The following PFKFB4 variants were observed in gnomAD, a reference collection of about 807,000 sequenced individuals.
PFKFB4 encodes 6-phosphofructo-2-kinase/fructose-2,6-biphosphatase 4.
In PFKFB4, 42 loss-of-function variants were observed where a neutral mutation model predicts 62.8. The observed-to-expected ratio is 0.67, with a 90% CI of 0.52 to 0.86. The LOEUF is 0.86. PFKFB4 is among the 40% of genes least tolerant of loss of function. The probability of loss-of-function intolerance (pLI) is 0.00; values close to 1 mark genes in which losing one functional copy is unlikely to be tolerated. For missense variants in PFKFB4, 475 were observed against 627.2 expected (o/e 0.76, Z 2.59); for synonymous variants, 204 against 240.7 (o/e 0.85, Z 1.41).
upstream of PFKFB4, chr3:48,562,580 C>T (rs2043449048): frequency 3.4e-6 from 2 of 594,632 alleles, no homozygotes; most frequent in Admixed American, 3.4e-5. This position sits in a 1 kb window ranked among gnomAD's most constrained non-coding sequence, Gnocchi z 4.3. Flanking sequence ...GCTGTCCAGA[C>T]ACACTGTGAC....
At chr3:48,546,957 C>T (rs1053051318) in intron 3 of PFKFB4, among the ~76,000 whole-genome samples, 1 of 152,282 alleles carries the variant, frequency 6.6e-6, no homozygotes, top group African/African-American at 2.4e-5. Context: ...TCTTGATGCT[C>T]GCTCCTGGTT....
intron 3 of PFKFB4, among the ~76,000 whole-genome samples, chr3:48,545,507 G>A (rs991298329): frequency 1.3e-5 from 2 of 152,162 alleles, no homozygotes; most frequent in Admixed American, 6.6e-5. Flanking sequence ...TCATCAGGAC[G>A]ATATGCCTGA....
intron 1 of PFKFB4, among the ~76,000 whole-genome samples, chr3:48,554,597 T>A (rs1260605110): frequency 6.6e-6 from 1 of 152,194 alleles, no homozygotes; most frequent in African/African-American, 2.4e-5. Context: ...TCAGGAGCTA[T>A]GAGACCTTCC....
chr3:48,523,789 CATG>C lies in PFKFB4; in HGVS notation c.1131_1133del (p.Ile377del). On this transcript the variant is annotated inframe_deletion, in exon 11 of 14. Coordinates refer to ENST00000232375, the MANE Select transcript of PFKFB4 (RefSeq NM_004567.4). ...GCACATTCTCTTGCCTCTCCAGCTC[CATG>C]ATGACAGGCTCCAGTCTCTGGACCA... The C allele has an allele frequency of 1.2e-6, 2 of 1,614,202 alleles. No individual in the cohort carries two copies. The highest frequency in any genetic ancestry group is 1.7e-6 in the Non-Finnish European group (2 of 1,180,016).
upstream of PFKFB4, chr3:48,556,840 A>C: frequency 2.7e-6 from 4 of 1,493,060 alleles, no homozygotes; most frequent in Non-Finnish European, 2.7e-6. This position sits in a 1 kb window ranked among gnomAD's most constrained non-coding sequence, Gnocchi z 5.7. Context: ...ACCTCGGGCC[A>C]CCCGAGGTCC....
chr3:48,560,564 T>C (rs1218995429), upstream of PFKFB4, among the ~76,000 whole-genome samples: 1 of 152,130 alleles, frequency 6.6e-6, no homozygotes, highest in Admixed American at 6.5e-5. Flanking sequence ...ACAGAAAGGG[T>C]TCAGAGAGGT....
At chr3:48,557,956 T>G (rs1247696445), upstream of PFKFB4, among the ~76,000 whole-genome samples, 1 of 152,228 alleles carries the variant, frequency 6.6e-6, no homozygotes, top group Non-Finnish European at 1.5e-5. Context: ...TTTTGGTTTT[T>G]TTAACTAAAG....
intron 3 of PFKFB4, among the ~76,000 whole-genome samples, chr3:48,547,132 A>T (rs2042988660): frequency 6.6e-6 from 1 of 152,156 alleles, no homozygotes; most frequent in African/African-American, 2.4e-5. Flanking sequence ...ACCATGTATG[A>T]GCGTGCTCAG....
At chr3:48,531,068 A>AT (rs1158946122) in intron 9 of PFKFB4, among the ~76,000 whole-genome samples, 2 of 152,126 alleles carry the variant, frequency 1.3e-5, no homozygotes, top group African/African-American at 4.8e-5. Flanking sequence ...AAAAAATATA[A>AT]TAAAAAAATA....
At chr3:48,535,758 C>T (rs2042581654) in intron 8 of PFKFB4, 100 bp from the exon 9 acceptor site, 1 of 1,378,808 alleles carries the variant, frequency 7.3e-7, no homozygotes, top group Admixed American at 1.9e-5. Context: ...GCCTTGAACA[C>T]TCACTACAGG....
At chr3:48,559,898 CCACACACACACACA>C (rs34826551), upstream of PFKFB4, 3,533 of 191,712 alleles carry the variant, frequency 0.018, 44 homozygotes, top group Middle Eastern at 0.03. Context: ...AACCATCCCA[CCACACACACACACA>C]CACACACACA....
intron 7 of PFKFB4, 114 bp downstream of exon 7, chr3:48,538,384 C>G: frequency 7.6e-7 from 1 of 1,314,138 alleles, no homozygotes; most frequent in Non-Finnish European, 1.1e-6. Context: ...AAGGTCAGAC[C>G]ATCTCTGCTT....
Position 48,521,097 on chromosome 3 carries a change from C to T in PFKFB4, c.1350+889G>A, listed in dbSNP as rs2042082797. On this transcript the variant is annotated intron_variant, in intron 13 of 13. Coordinates refer to ENST00000232375, the MANE Select transcript of PFKFB4 (RefSeq NM_004567.4). The surrounding 1 kb of genome is among the most constrained non-coding windows in gnomAD (Gnocchi z 5.3). Reference sequence around the variant, plus strand: ...TGGGGGCAGTGGTGTTGGGAAGGGACAGGACACATCTACACACCTGTGCTG... The same window carrying T: ...TGGGGGCAGTGGTGTTGGGAAGGGATAGGACACATCTACACACCTGTGCTG... Among the ~76,000 whole-genome samples, 1 of 152,196 alleles carries T rather than the reference C, an allele frequency of 6.6e-6. No homozygotes were observed. The highest frequency in any genetic ancestry group is 6.5e-5 in the Admixed American group (1 of 15,280).
chr3:48,531,194 C>T (rs551424237), intron 9 of PFKFB4, among the ~76,000 whole-genome samples: 2 of 151,814 alleles, frequency 1.3e-5, no homozygotes, highest in African/African-American at 4.8e-5. Flanking sequence ...AGCAAGACCA[C>T]ATCTCTAAAA....
At chr3:48,545,673 C>T (rs934316863) in intron 3 of PFKFB4, among the ~76,000 whole-genome samples, 1 of 151,696 alleles carries the variant, frequency 6.6e-6, no homozygotes, top group African/African-American at 2.4e-5. Context: ...CACTATGTTC[C>T]CCAGGCTGGT....
upstream of PFKFB4, chr3:48,556,945 A>T (rs1451889624): frequency 1.4e-6 from 2 of 1,395,792 alleles, no homozygotes; most frequent in African/African-American, 3.0e-5. The surrounding 1 kb of genome is among the most constrained non-coding windows in gnomAD (Gnocchi z 5.7). Flanking sequence ...GCCCCAGCTG[A>T]AAGGGGCCCG....
chr3:48,534,972 C>T (rs1237499408), intron 9 of PFKFB4, among the ~76,000 whole-genome samples: 5 of 152,066 alleles, frequency 3.3e-5, no homozygotes, highest in Non-Finnish European at 5.9e-5. Context: ...CCATGCCTGG[C>T]TAATTTTTGT....
chr3:48,559,600 C>T (rs765156327), upstream of PFKFB4: 51 of 456,838 alleles, frequency 1.1e-4, no homozygotes, highest in Non-Finnish European at 1.7e-4. Context: ...AATCTCTGGC[C>T]CTCATGGCTT....
Position 48,519,826 on chromosome 3 carries a change from A to G in PFKFB4, c.1351-20T>C. 3 of 1,606,792 alleles carry G rather than the reference A, an allele frequency of 1.9e-6. No individual in the cohort carries two copies. The highest frequency in any genetic ancestry group is 2.6e-6 in the Non-Finnish European group (3 of 1,173,482). On this transcript the variant is annotated intron_variant, in intron 13 of 13. Transcript: ENST00000232375. The stretch of plus-strand genomic sequence containing the variant: ...CACGTTCTGTACAATAAAAACACAG[A>G]GCGTTCACTCCATGGCAGGAATAGA...
Sources: allele counts gnomAD v4.1 joint callset (sites outside exome capture counted in the v4.1 genomes callset), GRCh38; gene constraint gnomAD v4.1.1; non-coding constraint Gnocchi (gnomAD v3.1); transcripts MANE v1.5; gene names NCBI Gene and HGNC (gene_info 2026-07-23, HGNC 2026-07-21).